RAB22A: variants seen among roughly 807,000 people sequenced by gnomAD.
RAB22A encodes the protein RAB22A, member RAS oncogene family.
RAB22A carries 13 observed loss-of-function variants against 30.2 expected under a neutral mutation model. The observed-to-expected ratio is 0.43, with a 90% confidence interval of 0.28 to 0.68. RAB22A has a LOEUF of 0.68. RAB22A is among the 30% of genes least tolerant of loss of function. The probability of loss-of-function intolerance (pLI) is 0.18; values close to 1 mark genes in which losing one functional copy is unlikely to be tolerated. For synonymous variants in RAB22A, 89 were observed against 87.2 expected (o/e 1.02, Z -0.11); for missense variants, 177 against 246.8 (o/e 0.72, Z 1.89).
intron 6 of RAB22A, among the ~76,000 whole-genome samples, chr20:58,358,761 G>A (rs535041837): frequency 5.9e-5 from 9 of 152,172 alleles, no homozygotes; most frequent in East Asian, 3.9e-4. Context: ...CGGGCGTGGC[G>A]GTACACGCCT....
Position 58,309,749 on chromosome 20 carries a change from C to T in RAB22A, c.-228C>T. 1 of 263,706 alleles carries T rather than the reference C, an allele frequency of 3.8e-6. No individual in the cohort carries two copies. Among genetic ancestry groups the T allele is most frequent in the East Asian group, 7.3e-5 (1 of 13,714 alleles). The allele number at this position is 263,706 out of a possible 1,614,324, so 16.3% of individuals were successfully genotyped here. ...GGCCGGCGTCCCAAGATGGCGGCGG[C>T]GGCGGCTCCCGGAAGGCCGCGGCGG... On this transcript the variant is annotated 5_prime_UTR_variant, in exon 1 of 7. Coordinates refer to ENST00000244040, the MANE Select transcript of RAB22A (RefSeq NM_020673.3).
intron 2 of RAB22A, among the ~76,000 whole-genome samples, chr20:58,330,764 G>A (rs1010173911): frequency 6.6e-6 from 1 of 152,144 alleles, no homozygotes; most frequent in Admixed American, 6.5e-5. Flanking sequence ...TGAGCCTCTG[G>A]ATTGGCAGGA....
At chr20:58,319,529 C>T (rs1055918229) in intron 2 of RAB22A, among the ~76,000 whole-genome samples, 1 of 152,170 alleles carries the variant, frequency 6.6e-6, no homozygotes. Context: ...ATGTCTGGCT[C>T]CTCTGGGTCT....
At position 58,353,226 on chromosome 20, in the gene RAB22A, T is replaced by C. The variant is rs553343047; in HGVS notation, c.199-47T>C. On this transcript the variant is annotated intron_variant, in intron 3 of 6. Transcript: ENST00000244040. Reference sequence around the variant, plus strand: ...GCTTATAAATCTAGTATAAAACATATTTAACCAGTTTTCCCAATTTTGTTT... The same window carrying C: ...GCTTATAAATCTAGTATAAAACATACTTAACCAGTTTTCCCAATTTTGTTT... 4.6e-6 allele frequency: 7 copies of C among 1,517,282 alleles called. No individual in the cohort carries two copies. In the South Asian group the frequency reaches 6.9e-5, roughly 15 times the overall value. The allele number at this position is 1,517,282 out of a possible 1,614,324, so 94.0% of individuals were successfully genotyped here. A position where few individuals can be genotyped will look rare whatever the true frequency, so the allele number is the denominator to read the frequency against.
At chr20:58,327,575 G>A (rs1180985657) in intron 2 of RAB22A, among the ~76,000 whole-genome samples, 1 of 152,216 alleles carries the variant, frequency 6.6e-6, no homozygotes, top group Non-Finnish European at 1.5e-5. Flanking sequence ...AGAATTTGCA[G>A]TGCCTTTCGT....
At chr20:58,354,067 A>G (rs1987095817) in intron 5 of RAB22A, 89 bp from the exon 6 acceptor site, 9 of 845,714 alleles carry the variant, frequency 1.1e-5, no homozygotes, top group Non-Finnish European at 1.3e-5. Flanking sequence ...ATCCTTTGTC[A>G]TCATAAATCT....
chr20:58,341,883 G>C (rs1018287148), intron 2 of RAB22A, among the ~76,000 whole-genome samples: 2 of 152,046 alleles, frequency 1.3e-5, no homozygotes, highest in Non-Finnish European at 2.9e-5. Flanking sequence ...GGATGTGTTG[G>C]CTCTGTTGGT....
intron 3 of RAB22A, 83 bp downstream of exon 3, chr20:58,343,882 C>G: frequency 9.2e-7 from 1 of 1,084,884 alleles, no homozygotes; most frequent in Non-Finnish European, 1.4e-6. Context: ...TGTCATCTCA[C>G]GTTACTCACT....
chr20:58,323,691 A>G (rs910675952), intron 2 of RAB22A, among the ~76,000 whole-genome samples: 7 of 147,052 alleles, frequency 4.8e-5, no homozygotes, highest in African/African-American at 1.8e-4. Context: ...GATAGATTTG[A>G]ACACCTGGGC....
At chr20:58,311,796 A>G (rs1796634370) in intron 2 of RAB22A, among the ~76,000 whole-genome samples, 1 of 152,222 alleles carries the variant, frequency 6.6e-6, no homozygotes. Flanking sequence ...GGTTTCCAGC[A>G]TTTAAAGAAA....
chr20:58,350,174 T>G (rs1018420641), intron 3 of RAB22A, among the ~76,000 whole-genome samples: 2 of 151,752 alleles, frequency 1.3e-5, no homozygotes, highest in African/African-American at 4.8e-5. Flanking sequence ...TAATAAAGAA[T>G]CACATGAAAA....
At chr20:58,354,365 C>G (rs1987100985) in intron 6 of RAB22A, 100 bp downstream of exon 6, 11 of 753,732 alleles carry the variant, frequency 1.5e-5, no homozygotes, top group Admixed American at 8.0e-5. Flanking sequence ...GCAGTCTAGT[C>G]TCTGATATTG....
intron 3 of RAB22A, among the ~76,000 whole-genome samples, chr20:58,352,052 CA>C (rs1214102498): frequency 6.6e-6 from 1 of 151,996 alleles, no homozygotes; most frequent in Non-Finnish European, 1.5e-5. Flanking sequence ...GACATGAAAA[CA>C]AGGTGGAAGA....
At chr20:58,339,312 G>C (rs1284648154) in intron 2 of RAB22A, among the ~76,000 whole-genome samples, 1 of 152,204 alleles carries the variant, frequency 6.6e-6, no homozygotes, top group Non-Finnish European at 1.5e-5. Flanking sequence ...TGGTTTAGTA[G>C]TGAAAAATAA....
chr20:58,343,905 A>T (rs1986901088), intron 3 of RAB22A, 106 bp downstream of exon 3: 1 of 901,304 alleles, frequency 1.1e-6, no homozygotes. Context: ...TCTTCTGTGC[A>T]CCGGAGACAC....
At chr20:58,350,293 A>G (rs748067768) in intron 3 of RAB22A, among the ~76,000 whole-genome samples, 20 of 152,280 alleles carry the variant, frequency 1.3e-4, no homozygotes, top group Admixed American at 3.9e-4. Context: ...ACAGAGTCTC[A>G]GTATCATAGG....
intron 5 of RAB22A, 151 bp from the exon 6 acceptor site, chr20:58,354,005 G>A (rs1987094809): frequency 3.7e-6 from 2 of 542,320 alleles, no homozygotes; most frequent in South Asian, 5.4e-5. Flanking sequence ...CCATGGATGT[G>A]GTGTAATCGA....
intron 2 of RAB22A, among the ~76,000 whole-genome samples, chr20:58,343,335 G>GT (rs911000239): frequency 5.4e-5 from 8 of 149,276 alleles, no homozygotes; most frequent in African/African-American, 9.8e-5. Context: ...ATCCTAAAAA[G>GT]TTTTTTTTTT....
chr20:58,322,575 T>G (rs911884324), intron 2 of RAB22A, among the ~76,000 whole-genome samples: 1 of 152,254 alleles, frequency 6.6e-6, no homozygotes, highest in Non-Finnish European at 1.5e-5. Flanking sequence ...CCATTGTATT[T>G]CCACTATTAT....
Sources: gnomAD v4.1 joint callset for allele counts (sites outside exome capture counted in the v4.1 genomes callset) on GRCh38, gnomAD v4.1.1 for gene constraint, MANE v1.5 for transcripts, NCBI Gene and HGNC (gene_info 2026-07-23, HGNC 2026-07-21) for gene names.